VN1R1: variants seen among roughly 807,000 people sequenced by gnomAD.
The protein encoded by VN1R1 is vomeronasal 1 receptor 1, also known as vomeronasal type-1 receptor 1.
For synonymous variants in VN1R1, 168 were observed against 149.8 expected, an observed-to-expected ratio of 1.12 and a Z score of -0.89; for missense variants, 391 against 410.3, an observed-to-expected ratio of 0.95 and a Z score of 0.41.
rs2089130448 is a variant in VN1R1 at position 57,456,096 on chromosome 19, C to G, written c.391G>C (p.Gly131Arg). ...CKFVFYYHRV[G>R]TRVSLSTICL... ...ATGGTGCTGAGGGAAACTCTTGTGC[C>G]CACCCTGTGATAATAAAAGACAAAC... is the stretch of plus-strand genomic sequence containing the variant. The change falls in exon 1 of 1, where the codon GGC (glycine) becomes CGC (arginine). Residue 131 changes from glycine to arginine, a missense_variant. Coordinates refer to ENST00000321039, the MANE Select transcript of VN1R1 (RefSeq NM_020633.4). The G allele has an allele frequency of 6.2e-7, 1 of 1,614,104 alleles. No homozygotes were observed. The highest frequency in any genetic ancestry group is 8.5e-7 in the Non-Finnish European group (1 of 1,180,040).
chr19:57,455,872 A>C, the VN1R1 span: 5 of 1,614,138 alleles, frequency 3.1e-6, no homozygotes, highest in Admixed American at 3.3e-5. Context: ...AACAGTATCC[A>C]TAATTGTTTT....
chr19:57,456,243 G>GTC, the VN1R1 span: 2 of 1,614,150 alleles, frequency 1.2e-6, no homozygotes, highest in Non-Finnish European at 1.7e-6. Context: ...AAGTCCGTGG[G>GTC]TCTCAGCTTG....
Position 57,455,400 on chromosome 19 carries a change from G to C in VN1R1, c.*25C>G. ...ATCTTAGCAAGAGTTATGATAAATA[G>C]CTGAATTCCATGAAGAGAAAAGACT... On this transcript the variant is annotated 3_prime_UTR_variant, in exon 1 of 1. Transcript: ENST00000321039. The C allele has an allele frequency of 6.4e-7, 1 of 1,574,146 alleles. No individual in the cohort carries two copies. Among genetic ancestry groups the C allele is most frequent in the Non-Finnish European group, 8.6e-7 (1 of 1,159,192 alleles).
chr19:57,455,067 C>T lies in VN1R1; in HGVS notation c.*358G>A, dbSNP rs1392804083. ...ATGTCTTTCTTACATGTGGACTCTC[C>T]AGGGGATTTATGCTGTTCAAGAAGC... On this transcript the variant is annotated 3_prime_UTR_variant, in exon 1 of 1. Transcript: ENST00000321039. 4.7e-6 allele frequency: 1 copy of T among 211,762 alleles called. No individual in the cohort carries two copies. Among genetic ancestry groups the T allele is most frequent in the Admixed American group, 5.3e-5 (1 of 18,754 alleles). The allele number at this position is 211,762 out of a possible 1,614,324, so 13.1% of individuals were successfully genotyped here.
Position 57,456,286 on chromosome 19 carries a change from A to C in VN1R1, c.201T>G (p.Leu67=). 1.2e-6 allele frequency: 2 copies of C among 1,613,220 alleles called. No homozygotes were observed. The highest frequency in any genetic ancestry group is 1.7e-6 in the Non-Finnish European group (2 of 1,179,408). Residue 67 remains leucine, a synonymous_variant, in exon 1 of 1, where the codon CTT becomes CTG. Transcript: ENST00000321039. ...TGAACAAAATTAAGTTATAAAAACA[A>C]AGGAGAAAGGAATTTCCCAGGATCC... The part of the protein sequence containing the change: ...GVGILGNSFL[L]CFYNLILFTG...
At position 57,456,043 on chromosome 19, in the gene VN1R1, A is replaced by G. The variant is rs747275951; in HGVS notation, c.444T>C (p.Ile148=). ...ACCTGCATATACTGGGGTTGAGCTT[A>G]ATGGCTTGGAATCCATTGAGAAGGC... is the stretch of plus-strand genomic sequence containing the variant. The part of the protein sequence containing the change: ...TICLLNGFQA[I]KLNPSICRWM... The change falls in exon 1 of 1, where the codon ATT becomes ATC. Residue 148 remains isoleucine (I), a synonymous_variant. Transcript: ENST00000321039. The G allele has an allele frequency of 2.4e-5, 39 of 1,614,080 alleles. No homozygotes were observed. The highest frequency in any genetic ancestry group is 5.9e-6 in the Non-Finnish European group (7 of 1,180,040).
In VN1R1 at chr19:57,455,915, T is replaced by C. The variant is rs569547733; in HGVS notation, c.572A>G (p.Asn191Ser). The part of the protein sequence containing the change: ...LMNASVLLLV[N>S]GPLNSKNSSA... ...ACTGTTTTTGCTATTCAGTGGGCCA[T>C]TCACTAATAGAAGAACAGATGCATT... Residue 191 changes from asparagine (N) to serine (S), a missense_variant, in exon 1 of 1, where the codon AAT becomes AGT. Coordinates refer to ENST00000321039, the MANE Select transcript of VN1R1 (RefSeq NM_020633.4). 8.7e-6 allele frequency: 14 copies of C among 1,614,220 alleles called. No homozygotes were observed. The South Asian group carries it at 1.4e-4, about 16-fold the overall frequency.
Position 57,456,189 on chromosome 19 carries a change from A to C in VN1R1, c.298T>G (p.Phe100Val), listed in dbSNP as rs1272981930. Residue 100 changes from phenylalanine to valine, a missense_variant, in exon 1 of 1, where the codon TTT becomes GTT. Physicochemically the swap from Phe to Val is conservative, Grantham distance 50 (BLOSUM62 -1). Transcript: ENST00000321039. ...GCCATTGTCTGAGGTATCCCTTTAA[A>C]GAAAAGGACCATGGAGTTAGCCAAG... is the stretch of plus-strand genomic sequence containing the variant. ...LALANSMVLFFKGIPQTMAAF... is the reference protein window; with the variant it reads ...LALANSMVLFVKGIPQTMAAF... 6.2e-7 allele frequency: 1 copy of C among 1,614,238 alleles called. No homozygotes were observed. Among genetic ancestry groups the C allele is most frequent in the Non-Finnish European group, 8.5e-7 (1 of 1,180,052 alleles).
chr19:57,455,862 A>C lies in VN1R1; in HGVS notation c.625T>G (p.Ser209Ala). Residue 209 changes from serine to alanine, a missense_variant, in exon 1 of 1, where the codon TCT (serine) becomes GCT (alanine). Ser to Ala is a moderately conservative substitution (Grantham distance 99). Transcript: ENST00000321039. Reference sequence around the variant, plus strand: ...CTAAATCTCTTTGATGCTTTGTAAGAACAGTATCCATAATTGTTTTTTGCA... The same window carrying C: ...CTAAATCTCTTTGATGCTTTGTAAGCACAGTATCCATAATTGTTTTTTGCA... ...SSAKNNYGYC[S>A]YKASKRFSSL... 1.2e-6 allele frequency: 2 copies of C among 1,614,246 alleles called. No homozygotes were observed. The highest frequency in any genetic ancestry group is 1.7e-5 in the Admixed American group (1 of 60,022).
chr19:57,456,283 A>G lies in VN1R1; in HGVS notation c.204T>C (p.Cys68=). 1.2e-6 allele frequency: 2 copies of G among 1,613,310 alleles called. No individual in the cohort carries two copies. The highest frequency in any genetic ancestry group is 1.7e-6 in the Non-Finnish European group (2 of 1,179,512). The change falls in exon 1 of 1, where the codon TGT becomes TGC. Residue 68 remains cysteine (C), a synonymous_variant. Coordinates refer to ENST00000321039, the MANE Select transcript of VN1R1 (RefSeq NM_020633.4). The stretch of plus-strand genomic sequence containing the variant: ...CAGTGAACAAAATTAAGTTATAAAA[A>G]CAAAGGAGAAAGGAATTTCCCAGGA... The part of the protein sequence containing the change: ...VGILGNSFLL[C]FYNLILFTGH...
At position 57,456,375 on chromosome 19, in the gene VN1R1, A is replaced by G; in HGVS notation, c.112T>C (p.Phe38Leu). 6.2e-7 allele frequency: 1 copy of G among 1,613,866 alleles called. No homozygotes were observed. Among genetic ancestry groups the G allele is most frequent in the African/African-American group, 1.3e-5 (1 of 75,056 alleles). ...DLNENQHPLD[F>L]DEMAFGKVKS... The stretch of plus-strand genomic sequence containing the variant: ...ACTTTTCCAAAAGCCATTTCATCAA[A>G]ATCTAGGGGATGTTGATTTTCATTG... The change falls in exon 1 of 1, where the codon TTT becomes CTT. Residue 38 changes from phenylalanine to leucine, a missense_variant. Transcript: ENST00000321039.
Position 57,455,308 on chromosome 19 carries a change from T to G in VN1R1, c.*117A>C. 3 of 952,584 alleles carry G rather than the reference T, an allele frequency of 3.1e-6. No homozygotes were observed. The highest frequency in any genetic ancestry group is 4.6e-6 in the Non-Finnish European group (3 of 645,208). The allele number at this position is 952,584 out of a possible 1,614,324, so 59.0% of individuals were successfully genotyped here. On this transcript the variant is annotated 3_prime_UTR_variant, in exon 1 of 1. Transcript: ENST00000321039. ...TTTTAGCTCTGGTATTAGATCTTCC[T>G]GGACAAGAGCATTACTGGCCATGTG...
rs2089134339 is a variant in VN1R1 at position 57,456,693 on chromosome 19, A to G, written c.-207T>C. 6.3e-6 allele frequency: 3 copies of G among 479,162 alleles called. No individual in the cohort carries two copies. Among genetic ancestry groups the G allele is most frequent in the South Asian group, 8.7e-5 (2 of 22,984 alleles). 29.7% of individuals were successfully genotyped at this position (479,162 alleles called of 1,614,324 possible). ...GGAAATATATAAAAACAGAACACAG[A>G]AGAGTCAATATCATTAGAGTGATAT... On this transcript the variant is annotated 5_prime_UTR_variant, in exon 1 of 1. Transcript: ENST00000321039.
In VN1R1 at chr19:57,456,782, TGTATTA is replaced by T; in HGVS notation, c.-302_-297del. ...TGGGTAATATGGACAGGGCTTTTTC[TGTATTA>T]TTTCTTATGACTGCTTGTGAGTCTA... On this transcript the variant is annotated 5_prime_UTR_variant, in exon 1 of 1. Transcript: ENST00000321039. The T allele has an allele frequency of 7.4e-6, 2 of 270,378 alleles. No homozygotes were observed. Among genetic ancestry groups the T allele is most frequent in the South Asian group, 1.4e-4 (1 of 7,074 alleles). 16.7% of individuals were successfully genotyped at this position (270,378 alleles called of 1,614,324 possible). A position where few individuals can be genotyped will look rare whatever the true frequency, so the allele number is the denominator to read the frequency against.
rs1365937330 is a variant in VN1R1 at position 57,455,806 on chromosome 19, A to G, written c.681T>C (p.Pro227=). 3 of 1,614,230 alleles carry G rather than the reference A, an allele frequency of 1.9e-6. No homozygotes were observed. The Admixed American group carries it at 5.0e-5, about 27-fold the overall frequency. The part of the protein sequence containing the change: ...SSLHAVLYFS[P]DFMSLGFMVW... The stretch of plus-strand genomic sequence containing the variant: ...CCATGAAGCCCAAACTCATAAAATC[A>G]GGGGAAAAATATAAGACTGCATGTA... The change falls in exon 1 of 1, where the codon CCT becomes CCC. Residue 227 remains proline, a synonymous_variant. Transcript: ENST00000321039.
rs2089136067 is a variant in VN1R1 at position 57,457,078 on chromosome 19, A to T, written c.-592T>A. 1 of 151,880 alleles carries T rather than the reference A, an allele frequency of 6.6e-6. No homozygotes were observed. Among genetic ancestry groups the T allele is most frequent in the African/African-American group, 2.4e-5 (1 of 41,332 alleles). 9.4% of individuals were successfully genotyped at this position (151,880 alleles called of 1,614,324 possible). A position where few individuals can be genotyped will look rare whatever the true frequency, so the allele number is the denominator to read the frequency against. On this transcript the variant is annotated 5_prime_UTR_variant, in exon 1 of 1. It removes an upstream start codon present in the reference 5' UTR. Coordinates refer to ENST00000321039, the MANE Select transcript of VN1R1 (RefSeq NM_020633.4). ...CTAATAATACAAAAATTAGCCGGGC[A>T]TGGCGGCGCGTGCTAGTCCCAGCTA...
At position 57,456,290 on chromosome 19, in the gene VN1R1, A is replaced by G. The variant is rs2089131817; in HGVS notation, c.197T>C (p.Leu66Pro). The G allele has an allele frequency of 6.2e-7, 1 of 1,613,234 alleles. No homozygotes were observed. Among genetic ancestry groups the G allele is most frequent in the East Asian group, 2.2e-5 (1 of 44,860 alleles). ...TGVGILGNSF[L>P]LCFYNLILFT... ...CAAAATTAAGTTATAAAAACAAAGGAGAAAGGAATTTCCCAGGATCCCAAC... is the reference window on the plus strand; with the variant it reads ...CAAAATTAAGTTATAAAAACAAAGGGGAAAGGAATTTCCCAGGATCCCAAC... Residue 66 changes from leucine (L) to proline (P), a missense_variant, in exon 1 of 1, where the codon CTC becomes CCC. Physicochemically the swap from Leu to Pro is moderately conservative, Grantham distance 98. Coordinates refer to ENST00000321039, the MANE Select transcript of VN1R1 (RefSeq NM_020633.4).
At position 57,455,527 on chromosome 19, in the gene VN1R1, G is replaced by A. The variant is rs1399727958; in HGVS notation, c.960C>T (p.Arg320=). The A allele has an allele frequency of 1.2e-6, 2 of 1,614,154 alleles. No homozygotes were observed. Among genetic ancestry groups the A allele is most frequent in the South Asian group, 1.1e-5 (1 of 91,082 alleles). ...SVLVASCFPA[R]SPFVLIMSDT... is the part of the protein sequence containing the mutation. ...CACTCATGATGAGGACAAAAGGGCT[G>A]CGTGCTGGGAAACATGAGGCGACCA... The change falls in exon 1 of 1, where the codon CGC becomes CGT. Residue 320 remains arginine (R), a synonymous_variant. Transcript: ENST00000321039.
Position 57,455,067 on chromosome 19 carries a change from C to A in VN1R1, c.*358G>T. On this transcript the variant is annotated 3_prime_UTR_variant, in exon 1 of 1. Coordinates refer to ENST00000321039, the MANE Select transcript of VN1R1 (RefSeq NM_020633.4). Reference sequence around the variant, plus strand: ...ATGTCTTTCTTACATGTGGACTCTCCAGGGGATTTATGCTGTTCAAGAAGC... The same window carrying A: ...ATGTCTTTCTTACATGTGGACTCTCAAGGGGATTTATGCTGTTCAAGAAGC... The A allele has an allele frequency of 4.7e-6, 1 of 211,880 alleles. No individual in the cohort carries two copies. The highest frequency in any genetic ancestry group is 9.5e-6 in the Non-Finnish European group (1 of 105,016). 13.1% of individuals were successfully genotyped at this position (211,880 alleles called of 1,614,324 possible).
Sources: gnomAD v4.1 joint callset for allele counts on GRCh38, gnomAD v4.1.1 for gene constraint, MANE v1.5 for transcripts, NCBI Gene and HGNC (gene_info 2026-07-23, HGNC 2026-07-21) for gene names.